Variants in EEPD1 observed in about 807,000 individuals in gnomAD.
The protein encoded by EEPD1 is endonuclease/exonuclease/phosphatase family domain containing 1, also known as endonuclease/exonuclease/phosphatase family domain-containing protein 1.
Under a neutral mutation model 46.3 loss-of-function variants are expected in EEPD1, and 17 were observed. The ratio of observed to expected loss-of-function variants is 0.37; its 90% CI spans 0.25 to 0.55. The LOEUF (loss-of-function observed/expected upper bound fraction) is 0.55, where lower values mean the gene tolerates loss of function less well. Among genes scored for constraint, EEPD1 ranks in the 20% least tolerant of loss-of-function variants. The pLI is 0.83. For synonymous variants in EEPD1, 313 were observed against 315.6 expected (o/e 0.99, Z 0.09); for missense variants, 673 against 745.6 (o/e 0.90, Z 1.13).
rs6966346 is a variant in EEPD1, at chr7:36,259,092, G to A, written c.930+20056G>A. Among the ~76,000 whole-genome samples, 866 of 152,228 alleles carry A rather than the reference G, an allele frequency of 5.7e-3. 6 individuals are homozygous for A. Among genetic ancestry groups the A allele is most frequent in the African/African-American group, 0.02 (824 of 41,528 alleles). On this transcript the variant is annotated intron_variant, in intron 3 of 7. Coordinates refer to ENST00000242108, the MANE Select transcript of EEPD1 (RefSeq NM_030636.3). ...GTCCCTCATGGCTTCCCTTGGCTAC[G>A]GGAGGGAGTTCCCGGACCCCTTGTG...
intron 2 of EEPD1, among the ~76,000 whole-genome samples, chr7:36,232,084 C>T (rs1786341750): frequency 6.6e-6 from 1 of 151,978 alleles, no homozygotes. Flanking sequence ...ATATGCACTG[C>T]CCTCATTTTG....
intron 2 of EEPD1, among the ~76,000 whole-genome samples, chr7:36,175,779 C>T (rs1408281915): frequency 6.6e-6 from 1 of 152,166 alleles, no homozygotes; most frequent in Admixed American, 6.5e-5. Flanking sequence ...TGCTCCAGAG[C>T]CATTTTAAAG....
chr7:36,268,613 C>T lies in EEPD1; in HGVS notation c.931-12502C>T, dbSNP rs542824126. Among the ~76,000 whole-genome samples, 4 of 152,306 alleles carry T rather than the reference C, an allele frequency of 2.6e-5. No individual in the cohort carries two copies. In the East Asian group the frequency reaches 5.8e-4, roughly 22 times the overall value. Reference sequence around the variant, plus strand: ...TGCAATGCTGGCTCCTGGCCCCAACCGTGATTCTTGCCTCCTTCCTCCACT... The same window carrying T: ...TGCAATGCTGGCTCCTGGCCCCAACTGTGATTCTTGCCTCCTTCCTCCACT... On this transcript the variant is annotated intron_variant, in intron 3 of 7. Transcript: ENST00000242108.
intron 6 of EEPD1, among the ~76,000 whole-genome samples, chr7:36,294,462 A>G (rs1035043858): frequency 2.6e-5 from 4 of 152,184 alleles, no homozygotes; most frequent in Admixed American, 6.5e-5. Flanking sequence ...ATAAAAGTAA[A>G]TTCTAGGCAA....
At chr7:36,219,800 A>T (rs867949554) in intron 2 of EEPD1, among the ~76,000 whole-genome samples, 12,277 of 65,114 alleles carry the variant, frequency 0.19, 543 homozygotes, top group Non-Finnish European at 0.25. Flanking sequence ...AGAGAGAGAG[A>T]GAGAGAGTGT....
chr7:36,269,156 C>T, intron 3 of EEPD1, among the ~76,000 whole-genome samples: 1 of 152,162 alleles, frequency 6.6e-6, no homozygotes, highest in Non-Finnish European at 1.5e-5. Context: ...ACACAGATAA[C>T]CAAACTACTC....
At chr7:36,204,531 C>A (rs1785778484) in intron 2 of EEPD1, among the ~76,000 whole-genome samples, 1 of 152,318 alleles carries the variant, frequency 6.6e-6, no homozygotes, top group East Asian at 1.9e-4. Context: ...TGTGGGTTGT[C>A]TGCCCACCTA....
chr7:36,174,089 G>T lies in EEPD1; in HGVS notation c.878+18887G>T, dbSNP rs115992147. ...ACTGTGTGGCTGGTGGCAGTAAGTG[G>T]TGGCCAGGGCTGGTGCTGTTGGCTG... On this transcript the variant is annotated intron_variant, in intron 2 of 7. Coordinates refer to ENST00000242108, the MANE Select transcript of EEPD1 (RefSeq NM_030636.3). Among the ~76,000 whole-genome samples, 647 of 152,324 alleles carry T rather than the reference G, an allele frequency of 4.2e-3. 8 individuals are homozygous for T. Among genetic ancestry groups the T allele is most frequent in the African/African-American group, 0.015 (624 of 41,564 alleles).
intron 2 of EEPD1, among the ~76,000 whole-genome samples, chr7:36,163,744 G>A (rs1408363860): frequency 6.6e-6 from 1 of 152,126 alleles, no homozygotes; most frequent in East Asian, 1.9e-4. Flanking sequence ...CAGGCGTGGT[G>A]GCGGGCACCT....
chr7:36,274,273 C>A (rs1394263831), intron 3 of EEPD1, among the ~76,000 whole-genome samples: 1 of 152,240 alleles, frequency 6.6e-6, no homozygotes, highest in Non-Finnish European at 1.5e-5. Flanking sequence ...AGTGTGTGAG[C>A]TCCTGCCTCA....
intron 2 of EEPD1, among the ~76,000 whole-genome samples, chr7:36,192,289 A>G (rs894260399): frequency 2.0e-5 from 3 of 152,240 alleles, no homozygotes; most frequent in African/African-American, 4.8e-5. Context: ...AAGGGAAGAA[A>G]GCAGAAGAAC....
intron 2 of EEPD1, among the ~76,000 whole-genome samples, chr7:36,175,889 G>A (rs943839583): frequency 2.4e-4 from 37 of 152,192 alleles, no homozygotes; most frequent in African/African-American, 8.4e-4. Flanking sequence ...TTGGCTGAAC[G>A]GGGAGGAGGT....
chr7:36,155,453 G>A (rs951557589), intron 2 of EEPD1, among the ~76,000 whole-genome samples: 4 of 152,270 alleles, frequency 2.6e-5, no homozygotes, highest in African/African-American at 7.2e-5. Context: ...CATAATTTTG[G>A]GGTAAGCAGA....
At chr7:36,159,054 C>G (rs1263596425) in intron 2 of EEPD1, among the ~76,000 whole-genome samples, 1 of 152,180 alleles carries the variant, frequency 6.6e-6, no homozygotes, top group Non-Finnish European at 1.5e-5. Context: ...TAATGCCTAG[C>G]AACAAGCACT....
chr7:36,215,678 T>C (rs1786019275), intron 2 of EEPD1, among the ~76,000 whole-genome samples: 1 of 152,228 alleles, frequency 6.6e-6, no homozygotes, highest in Admixed American at 6.5e-5. Context: ...TGTTCTGCAC[T>C]GTTGAGTGCA....
At chr7:36,285,542 G>A (rs1479439332) in intron 5 of EEPD1, among the ~76,000 whole-genome samples, 4 of 152,122 alleles carry the variant, frequency 2.6e-5, no homozygotes, top group African/African-American at 9.7e-5. Flanking sequence ...AAGTGTTAAT[G>A]AACCGCAAAA....
chr7:36,293,594 A>G (rs946003113), intron 6 of EEPD1, among the ~76,000 whole-genome samples: 6 of 152,162 alleles, frequency 3.9e-5, no homozygotes, highest in Admixed American at 3.9e-4. Context: ...CTCCACTTTT[A>G]CCCACTCTAC....
At chr7:36,190,189 T>C (rs891371225) in intron 2 of EEPD1, among the ~76,000 whole-genome samples, 2 of 152,150 alleles carry the variant, frequency 1.3e-5, no homozygotes, top group Non-Finnish European at 2.9e-5. Context: ...CTGAGCAACA[T>C]AGTAAGATCC....
At chr7:36,286,926 A>G (rs1213212361) in intron 5 of EEPD1, among the ~76,000 whole-genome samples, 6 of 152,100 alleles carry the variant, frequency 3.9e-5, no homozygotes, top group Non-Finnish European at 5.9e-5. Context: ...CAGCCTTCCA[A>G]AGTGCTTGGG....
Sources: allele counts gnomAD v4.1 joint callset (sites outside exome capture counted in the v4.1 genomes callset), GRCh38; gene constraint gnomAD v4.1.1; transcripts MANE v1.5; gene names NCBI Gene and HGNC (gene_info 2026-07-23, HGNC 2026-07-21).